The following NIPAL2 variants were observed in gnomAD, a reference collection of about 807,000 sequenced individuals.
The protein encoded by NIPAL2 is NIPA-like protein 2.
A neutral mutation model predicts 48.9 loss-of-function variants in NIPAL2; 43 were observed. That is an observed-to-expected ratio of 0.88 (90% CI 0.69 to 1.13). NIPAL2 has a LOEUF of 1.13. NIPAL2 is among the 50% of genes most tolerant of loss of function. The probability of loss-of-function intolerance (pLI) is 0.00; values close to 1 mark genes in which losing one functional copy is unlikely to be tolerated. For missense variants in NIPAL2, 446 were observed against 461.4 expected (o/e 0.97, Z 0.31); for synonymous variants, 167 against 174.6 (o/e 0.96, Z 0.34).
intron 1 of NIPAL2, among the ~76,000 whole-genome samples, chr8:98,257,815 T>C (rs1312277054): frequency 6.6e-6 from 1 of 152,112 alleles, no homozygotes; most frequent in African/African-American, 2.4e-5. Flanking sequence ...ATAATAACTC[T>C]TTCAACCAAT....
chr8:98,219,495 A>C (rs1811740805), intron 5 of NIPAL2, among the ~76,000 whole-genome samples: 1 of 152,158 alleles, frequency 6.6e-6, no homozygotes, highest in African/African-American at 2.4e-5. Context: ...CAGGGAGTAA[A>C]TGCTGCATAA....
At chr8:98,195,902 A>G in intron 9 of NIPAL2, 40 bp downstream of exon 9, 1 of 1,403,026 alleles carries the variant, frequency 7.1e-7, no homozygotes, top group East Asian at 2.3e-5. Context: ...CGTAAAAGTA[A>G]TAGAATTTCA....
chr8:98,211,390 T>G (rs963932678), intron 6 of NIPAL2, among the ~76,000 whole-genome samples: 1 of 152,218 alleles, frequency 6.6e-6, no homozygotes, highest in Admixed American at 6.5e-5. Flanking sequence ...AAAGTTCTCT[T>G]TCTGTTCTCT....
chr8:98,253,361 A>T (rs933646314), intron 2 of NIPAL2, among the ~76,000 whole-genome samples: 2 of 152,152 alleles, frequency 1.3e-5, no homozygotes, highest in African/African-American at 4.8e-5. Context: ...GCTCAGGTTT[A>T]TTTTGATTCA....
chr8:98,273,693 T>C (rs962202604), intron 1 of NIPAL2, among the ~76,000 whole-genome samples: 16 of 152,100 alleles, frequency 1.1e-4, no homozygotes. Flanking sequence ...TTAATAAATA[T>C]ATTTCTTCCT....
chr8:98,275,336 A>G (rs1815400202), intron 1 of NIPAL2, among the ~76,000 whole-genome samples: 1 of 152,158 alleles, frequency 6.6e-6, no homozygotes, highest in South Asian at 2.1e-4. Context: ...TATTTCAAAA[A>G]TATTGTTACA....
chr8:98,278,841 T>G (rs552846395), intron 1 of NIPAL2, among the ~76,000 whole-genome samples: 91 of 152,304 alleles, frequency 6.0e-4, no homozygotes, highest in African/African-American at 2.2e-3. Flanking sequence ...AGTAACTATT[T>G]TATAATAACC....
At chr8:98,208,568 C>A (rs768888652) in intron 6 of NIPAL2, among the ~76,000 whole-genome samples, 38 of 152,118 alleles carry the variant, frequency 2.5e-4, no homozygotes, top group South Asian at 4.1e-4. Context: ...CCTGCCTCAG[C>A]CTCCTGAGTA....
chr8:98,221,529 G>T (rs554491612), intron 5 of NIPAL2, among the ~76,000 whole-genome samples: 155 of 152,180 alleles, frequency 1.0e-3, no homozygotes, highest in African/African-American at 3.5e-3. Flanking sequence ...AGGGCAGTTT[G>T]TCTACATCTA....
rs1052865735 is a variant in NIPAL2, at chr8:98,191,826, G to A, written c.*1152C>T. On this transcript the variant is annotated 3_prime_UTR_variant, in exon 11 of 11. Transcript: ENST00000430223. ...TGAATTGGAGTGGAAAAGCCATTCAGGAAACAGGAGGACTTGGGCTTCCTC... is the reference window on the plus strand; with the variant it reads ...TGAATTGGAGTGGAAAAGCCATTCAAGAAACAGGAGGACTTGGGCTTCCTC... 6.6e-6 allele frequency: 1 copy of A among 152,212 alleles called. No individual in the cohort carries two copies. The highest frequency in any genetic ancestry group is 1.5e-5 in the Non-Finnish European group (1 of 68,038). The allele number at this position is 152,212 out of a possible 1,614,324, so 9.4% of individuals were successfully genotyped here.
At chr8:98,281,975 C>T (rs532202745) in intron 1 of NIPAL2, among the ~76,000 whole-genome samples, 49 of 152,332 alleles carry the variant, frequency 3.2e-4, no homozygotes, top group Middle Eastern at 3.4e-3. Context: ...AGCCAGGACA[C>T]TCTCTCCATC....
chr8:98,227,563 C>T (rs1172400070), intron 4 of NIPAL2, among the ~76,000 whole-genome samples: 4 of 152,198 alleles, frequency 2.6e-5, no homozygotes, highest in Admixed American at 1.3e-4. Flanking sequence ...GAGCTACGGC[C>T]TGGAATGGGG....
At chr8:98,255,747 T>A (rs1021264339) in intron 1 of NIPAL2, among the ~76,000 whole-genome samples, 1 of 152,248 alleles carries the variant, frequency 6.6e-6, no homozygotes, top group African/African-American at 2.4e-5. Context: ...TTACATCTAA[T>A]GTACTTGGCA....
chr8:98,251,575 A>G (rs758953531), intron 3 of NIPAL2: 4 of 152,210 alleles, frequency 2.6e-5, no homozygotes, highest in Non-Finnish European at 5.9e-5. Context: ...ATTTTAAATA[A>G]AATATTTTAA....
chr8:98,222,721 C>G, intron 4 of NIPAL2, 121 bp from the exon 5 acceptor site: 1 of 931,040 alleles, frequency 1.1e-6, no homozygotes, highest in Admixed American at 2.2e-5. Context: ...CCCTATTATA[C>G]TCCGTTTCAT....
chr8:98,256,400 CA>C (rs921322455), intron 1 of NIPAL2, among the ~76,000 whole-genome samples: 1 of 152,086 alleles, frequency 6.6e-6, no homozygotes, highest in Non-Finnish European at 1.5e-5. Context: ...AAAATATTTG[CA>C]AATCATATAT....
chr8:98,275,122 C>T (rs1226801233), intron 1 of NIPAL2, among the ~76,000 whole-genome samples: 2 of 152,086 alleles, frequency 1.3e-5, no homozygotes, highest in African/African-American at 2.4e-5. Flanking sequence ...AAGAAACTGG[C>T]ATTGGTAAAT....
intron 1 of NIPAL2, among the ~76,000 whole-genome samples, chr8:98,275,816 T>C (rs1815423804): frequency 6.6e-6 from 1 of 152,218 alleles, no homozygotes. Context: ...TTATAAAAGC[T>C]TCCATTTGTT....
chr8:98,292,881 A>ATTACAAAC (rs1816565598), intron 1 of NIPAL2, among the ~76,000 whole-genome samples: 1 of 152,168 alleles, frequency 6.6e-6, no homozygotes, highest in Non-Finnish European at 1.5e-5. Context: ...AGAAAGGAGA[A>ATTACAAAC]ATGGGGTTGG....
Sources: gnomAD v4.1 joint callset for allele counts (sites outside exome capture counted in the v4.1 genomes callset) on GRCh38, gnomAD v4.1.1 for gene constraint, MANE v1.5 for transcripts, NCBI Gene and HGNC (gene_info 2026-07-23, HGNC 2026-07-21) for gene names.